TBC1D13: variants seen among roughly 807,000 people sequenced by gnomAD.
The protein encoded by TBC1D13 is epididymis secretory sperm binding protein.
TBC1D13 carries 40 observed loss-of-function variants against 53.6 expected under a neutral mutation model. The observed-to-expected ratio is 0.75, with a 90% CI of 0.58 to 0.97. TBC1D13 has a LOEUF of 0.97. Ranked by LOEUF, TBC1D13 falls within the 50% of genes least tolerant of loss-of-function variation. TBC1D13 has a pLI of 0.00. For missense variants in TBC1D13, 377 were observed against 499.4 expected (o/e 0.75, Z 2.34); for synonymous variants, 182 against 197.7 (o/e 0.92, Z 0.67).
chr9:128,803,544 C>T, intron 8 of TBC1D13, 84 bp downstream of exon 8: 4 of 1,303,700 alleles, frequency 3.1e-6, no homozygotes, highest in Non-Finnish European at 4.4e-6. Flanking sequence ...GGCCTCTGTT[C>T]TCCCTCTGCC....
rs1236714544 is a variant in TBC1D13, at chr9:128,810,339, G to A, written c.*2460G>A. 4 of 152,214 alleles carry A rather than the reference G, an allele frequency of 2.6e-5. No individual in the cohort carries two copies. Among genetic ancestry groups the A allele is most frequent in the South Asian group, 2.1e-4 (1 of 4,836 alleles). The allele number at this position is 152,214 out of a possible 1,614,324, so 9.4% of individuals were successfully genotyped here. A position where few individuals can be genotyped will look rare whatever the true frequency, so the allele number is the denominator to read the frequency against. ...GGGTCTCACTCCAGAGGGTCAGAAC[G>A]TTTGCTTTAGTTTTTTCATCTGTTT... On this transcript the variant is annotated 3_prime_UTR_variant, in exon 12 of 12. Coordinates refer to ENST00000372648, the MANE Select transcript of TBC1D13 (RefSeq NM_018201.5).
chr9:128,791,920 C>T (rs1829540387), intron 5 of TBC1D13, among the ~76,000 whole-genome samples: 1 of 152,208 alleles, frequency 6.6e-6, no homozygotes. Context: ...GGCAGCCCTG[C>T]GTCAGGTGCT....
chr9:128,790,751 C>G lies in TBC1D13; in HGVS notation c.114C>G (p.Gly38=), dbSNP rs140352913. The G allele has an allele frequency of 2.6e-6, 4 of 1,551,330 alleles. No individual in the cohort carries two copies. Among genetic ancestry groups the G allele is most frequent in the Non-Finnish European group, 3.5e-6 (4 of 1,157,902 alleles). ...TGTCCACAGGCATCCCCTGTGAGGG[C>G]GGACTGCGGTGCCTCTGCTGGAAGG... The part of the protein sequence containing the change: ...ELSFSGIPCE[G]GLRCLCWKIL... Residue 38 remains glycine (G), a synonymous_variant, in exon 3 of 12, where the codon GGC becomes GGG. Transcript: ENST00000372648.
intron 11 of TBC1D13, among the ~76,000 whole-genome samples, chr9:128,807,381 C>G (rs1829855280): frequency 6.6e-6 from 1 of 152,134 alleles, no homozygotes; most frequent in East Asian, 1.9e-4. Flanking sequence ...GCCACCAAGC[C>G]CAGCCTAGAG....
chr9:128,790,847 C>G (rs1589565749), intron 3 of TBC1D13, 72 bp downstream of exon 3: 18 of 1,476,998 alleles, frequency 1.2e-5, no homozygotes, highest in Non-Finnish European at 1.6e-5. Context: ...CTGCCCCTAC[C>G]CCTGGCTTCT....
At chr9:128,797,411 A>G (rs1564424576) in intron 7 of TBC1D13, among the ~76,000 whole-genome samples, 197 bp downstream of exon 7, 3 of 152,122 alleles carry the variant, frequency 2.0e-5, no homozygotes. Flanking sequence ...TCTGGGTGTA[A>G]TGGCTGCTGG....
At chr9:128,789,509 A>G (rs1051856521) in intron 2 of TBC1D13, among the ~76,000 whole-genome samples, 8 of 151,884 alleles carry the variant, frequency 5.3e-5, no homozygotes, top group African/African-American at 1.9e-4. Flanking sequence ...CCCAAAGGAG[A>G]GGCAGTCAGT....
Position 128,808,174 on chromosome 9 carries a change from C to A in TBC1D13, c.*295C>A, listed in dbSNP as rs1252629997. On this transcript the variant is annotated 3_prime_UTR_variant, in exon 12 of 12. Transcript: ENST00000372648. ...TCTGGCACTGGGAGGCTGGCAGGGG[C>A]CCCTCCCTGCCTCGGCTCTGCCGCC... 4.8e-6 allele frequency: 2 copies of A among 415,690 alleles called. No homozygotes were observed. Among genetic ancestry groups the A allele is most frequent in the African/African-American group, 2.0e-5 (1 of 50,312 alleles). The allele number at this position is 415,690 out of a possible 1,614,324, so 25.8% of individuals were successfully genotyped here. A position where few individuals can be genotyped will look rare whatever the true frequency, so the allele number is the denominator to read the frequency against.
chr9:128,810,204 A>G lies in TBC1D13; in HGVS notation c.*2325A>G, dbSNP rs1268765939. Reference sequence around the variant, plus strand: ...ATAATGTCCCTTCCCCAGATTCTCAAGCAGATGCCCAAGGGAGGTCCCCAC... The same window carrying G: ...ATAATGTCCCTTCCCCAGATTCTCAGGCAGATGCCCAAGGGAGGTCCCCAC... On this transcript the variant is annotated 3_prime_UTR_variant, in exon 12 of 12. Transcript: ENST00000372648. The G allele has an allele frequency of 1.3e-5, 2 of 152,186 alleles. No homozygotes were observed. Among genetic ancestry groups the G allele is most frequent in the Non-Finnish European group, 2.9e-5 (2 of 68,046 alleles). The allele number at this position is 152,186 out of a possible 1,614,324, so 9.4% of individuals were successfully genotyped here.
chr9:128,801,834 T>C (rs1224198762), intron 7 of TBC1D13, among the ~76,000 whole-genome samples: 1 of 150,660 alleles, frequency 6.6e-6, no homozygotes, highest in Non-Finnish European at 1.5e-5. Flanking sequence ...CGATCTCCAC[T>C]TACTGCAAAC....
intron 2 of TBC1D13, 71 bp downstream of exon 2, chr9:128,788,478 C>A: frequency 7.0e-7 from 1 of 1,423,330 alleles, no homozygotes; most frequent in Non-Finnish European, 9.9e-7. Flanking sequence ...GGGGAGGCCA[C>A]ACCTGGTCAG....
chr9:128,794,723 C>T (rs10819441), intron 6 of TBC1D13, among the ~76,000 whole-genome samples: 59,232 of 151,070 alleles, frequency 0.39, 12,643 homozygotes, highest in East Asian at 0.62. Flanking sequence ...GATCCACCCG[C>T]TTCAGCCTCG....
intron 6 of TBC1D13, among the ~76,000 whole-genome samples, chr9:128,794,067 G>T (rs1346032441): frequency 6.6e-6 from 1 of 152,228 alleles, no homozygotes; most frequent in Non-Finnish European, 1.5e-5. Flanking sequence ...GTTTTCCTTT[G>T]GGGGATCGAG....
At position 128,808,100 on chromosome 9, in the gene TBC1D13, T is replaced by A; in HGVS notation, c.*221T>A. The A allele has an allele frequency of 1.8e-6, 1 of 548,152 alleles. No homozygotes were observed. The highest frequency in any genetic ancestry group is 3.3e-6 in the Non-Finnish European group (1 of 302,962). 34.0% of individuals were successfully genotyped at this position (548,152 alleles called of 1,614,324 possible). On this transcript the variant is annotated 3_prime_UTR_variant, in exon 12 of 12. Coordinates refer to ENST00000372648, the MANE Select transcript of TBC1D13 (RefSeq NM_018201.5). ...ACTCTGCCCTCTTTGCCCAGGATACTGAGGAGGGCTGGAGCTCGGGAAGTT... is the reference window on the plus strand; with the variant it reads ...ACTCTGCCCTCTTTGCCCAGGATACAGAGGAGGGCTGGAGCTCGGGAAGTT...
intron 7 of TBC1D13, among the ~76,000 whole-genome samples, chr9:128,798,329 G>A (rs1472100337): frequency 1.3e-5 from 2 of 152,184 alleles, no homozygotes; most frequent in Non-Finnish European, 1.5e-5. Flanking sequence ...AGAGAGCGTG[G>A]TGTGTTCCAG....
chr9:128,790,871 C>T, intron 3 of TBC1D13, 96 bp downstream of exon 3: 1 of 1,306,568 alleles, frequency 7.7e-7, no homozygotes, highest in South Asian at 1.4e-5. Context: ...TCCTGTTCTG[C>T]ACCTTTCCTT....
intron 6 of TBC1D13, among the ~76,000 whole-genome samples, chr9:128,793,082 G>A (rs956663968): frequency 6.6e-6 from 1 of 152,240 alleles, no homozygotes; most frequent in Admixed American, 6.5e-5. Context: ...TCTGAGGAGT[G>A]GGAGGCCTCA....
intron 11 of TBC1D13, among the ~76,000 whole-genome samples, 160 bp downstream of exon 11, chr9:128,806,471 A>G (rs1306045026): frequency 6.6e-6 from 1 of 152,140 alleles, no homozygotes; most frequent in Non-Finnish European, 1.5e-5. Flanking sequence ...TCTGGGTTTG[A>G]ATCCTGGTTC....
rs1488488277 is a variant in TBC1D13 at position 128,788,189 on chromosome 9, G to A, written c.24-145G>A. ...GTTCTCCAAAGCTGTCTTTGGTGAG[G>A]ACCTTGACTAAGCTGTGTGATTTTT... On this transcript the variant is annotated intron_variant, in intron 1 of 11. Transcript: ENST00000372648. The A allele has an allele frequency of 9.2e-6, 6 of 653,542 alleles. No homozygotes were observed. The East Asian group carries it at 1.6e-4, about 17-fold the overall frequency. The allele number at this position is 653,542 out of a possible 1,614,324, so 40.5% of individuals were successfully genotyped here. A position where few individuals can be genotyped will look rare whatever the true frequency, so the allele number is the denominator to read the frequency against.
Sources: gnomAD v4.1 joint callset for allele counts (sites outside exome capture counted in the v4.1 genomes callset) on GRCh38, gnomAD v4.1.1 for gene constraint, MANE v1.5 for transcripts, NCBI Gene and HGNC (gene_info 2026-07-23, HGNC 2026-07-21) for gene names.